Variants in PES1 observed in about 807,000 individuals in gnomAD.
PES1 encodes the protein pescadillo homolog.
PES1 carries 31 observed loss-of-function variants against 77.1 expected under a neutral mutation model. That is an observed-to-expected ratio of 0.40 (90% CI 0.30 to 0.54). The LOEUF (loss-of-function observed/expected upper bound fraction) is 0.54. Among genes scored for constraint, PES1 ranks in the 20% least tolerant of loss-of-function variants. The pLI, the probability that PES1 is intolerant of heterozygous loss-of-function variation, is 0.45. For missense variants in PES1, 658 were observed against 771.7 expected (o/e 0.85, Z 1.75); for synonymous variants, 282 against 303.0 (o/e 0.93, Z 0.72).
intron 2 of PES1, among the ~76,000 whole-genome samples, chr22:30,604,787 T>C (rs1055554181): frequency 6.6e-6 from 1 of 151,912 alleles, no homozygotes; most frequent in African/African-American, 2.4e-5. Context: ...CAAATAGAAA[T>C]CTTGATCTGG....
In PES1 at chr22:30,587,316, T is replaced by C. The variant is rs143223959; in HGVS notation, c.338A>G (p.Asn113Ser). The C allele has an allele frequency of 8.7e-6, 14 of 1,613,482 alleles. No homozygotes were observed. The African/African-American group carries it at 1.1e-4, about 12-fold the overall frequency. The change falls in exon 4 of 15, where the codon AAC becomes AGC. Residue 113 changes from asparagine to serine, a missense_variant. Coordinates refer to ENST00000354694, the MANE Select transcript of PES1 (RefSeq NM_014303.4). ...CTTGATGATGTGGTCGAGTTTGTAG[T>C]TGGGCTTATTGTCCTTTAAACGCTC... Reference protein sequence around the residue: ...TVERLKDNKPNYKLDHIIKER... With the variant: ...TVERLKDNKPSYKLDHIIKER...
At chr22:30,591,955 C>T (rs2146482629), upstream of PES1, 3 of 1,429,012 alleles carry the variant, frequency 2.1e-6, no homozygotes, top group East Asian at 2.7e-5. Context: ...GTGCGGGCTG[C>T]CCAATGAGAT....
intron 2 of PES1, among the ~76,000 whole-genome samples, chr22:30,600,670 G>A (rs2087340968): frequency 6.6e-6 from 1 of 152,140 alleles, no homozygotes; most frequent in Non-Finnish European, 1.5e-5. Flanking sequence ...CAAAAAATTA[G>A]CCAGGAGTGG....
chr22:30,598,444 A>T (rs1030795694), intron 2 of PES1: 1 of 152,166 alleles, frequency 6.6e-6, no homozygotes, highest in African/African-American at 2.4e-5. Flanking sequence ...CCGTAAAAAA[A>T]AAAATTATTT....
upstream of PES1, among the ~76,000 whole-genome samples, chr22:30,594,642 T>C (rs981981350): frequency 6.6e-5 from 10 of 151,140 alleles, no homozygotes; most frequent in Admixed American, 2.6e-4. Context: ...AGTGATACCT[T>C]GTCTCTACTA....
chr22:30,595,825 G>A (rs887491453), upstream of PES1, among the ~76,000 whole-genome samples: 3 of 152,110 alleles, frequency 2.0e-5, no homozygotes, highest in Non-Finnish European at 2.9e-5. Context: ...GGTGTAATCC[G>A]GTCAAACTCA....
chr22:30,580,636 A>C lies in PES1; in HGVS notation c.978T>G (p.Leu326=). Residue 326 remains leucine, a synonymous_variant, in exon 10 of 15, where the codon CTT becomes CTG. Coordinates refer to ENST00000354694, the MANE Select transcript of PES1 (RefSeq NM_014303.4). The stretch of plus-strand genomic sequence containing the variant: ...TCAGGAAGAACTTCAGGCCCTCAAA[A>C]AGCTTCTTGTGCTTCTCCTGCGCCT... ...ELEAQEKHKK[L]FEGLKFFLNR... 6.2e-7 allele frequency: 1 copy of C among 1,613,574 alleles called. No homozygotes were observed. The highest frequency in any genetic ancestry group is 8.5e-7 in the Non-Finnish European group (1 of 1,179,966).
intron 2 of PES1, among the ~76,000 whole-genome samples, chr22:30,600,119 C>A (rs1008183745): frequency 1.3e-5 from 2 of 152,030 alleles, no homozygotes; most frequent in African/African-American, 4.8e-5. Context: ...ATAGCCTGAT[C>A]TCAGGAGTTT....
At position 30,576,945 on chromosome 22, in the gene PES1, G is replaced by C; in HGVS notation, c.*101C>G. 1.0e-6 allele frequency: 1 copy of C among 967,888 alleles called. No individual in the cohort carries two copies. The allele number at this position is 967,888 out of a possible 1,614,324, so 60.0% of individuals were successfully genotyped here. ...TCAGGGCTGGCTGGAGAAAGGAGGAGGAGAAGTGACTCTGGTCCATCACAC... is the reference window on the plus strand; with the variant it reads ...TCAGGGCTGGCTGGAGAAAGGAGGACGAGAAGTGACTCTGGTCCATCACAC... On this transcript the variant is annotated 3_prime_UTR_variant, in exon 15 of 15. Coordinates refer to ENST00000354694, the MANE Select transcript of PES1 (RefSeq NM_014303.4).
At chr22:30,590,159 T>G (rs1309135944) in intron 1 of PES1, among the ~76,000 whole-genome samples, 3 of 152,230 alleles carry the variant, frequency 2.0e-5, no homozygotes, top group African/African-American at 7.2e-5. Context: ...GGTCTCTACC[T>G]GCCCCTAAGA....
At chr22:30,586,412 A>G (rs1020348489) in intron 4 of PES1, among the ~76,000 whole-genome samples, 1 of 152,158 alleles carries the variant, frequency 6.6e-6, no homozygotes, top group African/African-American at 2.4e-5. Context: ...GAGCCATCCT[A>G]GAGCTCAGTG....
At chr22:30,600,204 C>T (rs188647952) in intron 2 of PES1, among the ~76,000 whole-genome samples, 1,860 of 151,956 alleles carry the variant, frequency 0.012, 20 homozygotes, top group Non-Finnish European at 0.018. Context: ...TGTGGTGGCA[C>T]AAGCCTATAG....
intron 2 of PES1, among the ~76,000 whole-genome samples, chr22:30,600,277 T>C (rs578013083): frequency 6.6e-6 from 1 of 152,102 alleles, no homozygotes; most frequent in South Asian, 2.1e-4. Flanking sequence ...GAGGTTGCAG[T>C]GTCAAGTTGA....
intron 13 of PES1, 43 bp downstream of exon 13, chr22:30,579,094 G>T: frequency 6.2e-7 from 1 of 1,605,548 alleles, no homozygotes; most frequent in Non-Finnish European, 8.5e-7. Context: ...GCACCAAGCA[G>T]GGCTGCTTCC....
upstream of PES1, among the ~76,000 whole-genome samples, chr22:30,593,390 G>A (rs1331850392): frequency 6.6e-6 from 1 of 152,164 alleles, no homozygotes; most frequent in Non-Finnish European, 1.5e-5. Context: ...GGGAGGCTGA[G>A]GCAGGAGAAT....
rs1200935321 is a variant in PES1, at chr22:30,587,315, G to A, written c.339C>T (p.Asn113=). 6.2e-7 allele frequency: 1 copy of A among 1,613,504 alleles called. No homozygotes were observed. Among genetic ancestry groups the A allele is most frequent in the African/African-American group, 1.3e-5 (1 of 75,006 alleles). ...TVERLKDNKP[N]YKLDHIIKER... ...CCTTGATGATGTGGTCGAGTTTGTA[G>A]TTGGGCTTATTGTCCTTTAAACGCT... The change falls in exon 4 of 15, where the codon AAC becomes AAT. Residue 113 remains asparagine (N), a synonymous_variant. Transcript: ENST00000354694.
At chr22:30,599,045 G>A (rs1249938502) in intron 2 of PES1, among the ~76,000 whole-genome samples, 1 of 151,598 alleles carries the variant, frequency 6.6e-6, no homozygotes, top group Non-Finnish European at 1.5e-5. Context: ...TTACAGGCAT[G>A]TGCCACCATG....
upstream of PES1, among the ~76,000 whole-genome samples, chr22:30,593,188 A>T (rs1364532947): frequency 6.6e-6 from 1 of 152,146 alleles, no homozygotes; most frequent in Non-Finnish European, 1.5e-5. Flanking sequence ...GCAATTCCAC[A>T]GTTAAAAATG....
At chr22:30,587,752 A>G (rs2072198) in intron 3 of PES1, among the ~76,000 whole-genome samples, 92,748 of 152,116 alleles carry the variant, frequency 0.61, 28,676 homozygotes, top group Middle Eastern at 0.67. Context: ...GCTGGCCTCC[A>G]TTGCCAACAC....
Sources: allele counts gnomAD v4.1 joint callset (sites outside exome capture counted in the v4.1 genomes callset), GRCh38; gene constraint gnomAD v4.1.1; transcripts MANE v1.5; gene names NCBI Gene and HGNC (gene_info 2026-07-23, HGNC 2026-07-21).